Variants in ELMO1 observed in about 807,000 individuals in gnomAD.
The protein encoded by ELMO1 is engulfment and cell motility 1.
ELMO1 carries 26 observed loss-of-function variants against 98.9 expected under a neutral mutation model. The ratio of observed to expected loss-of-function variants is 0.26; its 90% CI spans 0.19 to 0.36. ELMO1 has a LOEUF of 0.36. Ranked by LOEUF, ELMO1 falls within the 10% of genes least tolerant of loss-of-function variation. The pLI, the probability that ELMO1 is intolerant of heterozygous loss-of-function variation, is 1.00. For missense variants in ELMO1, 627 were observed against 935.2 expected, an observed-to-expected ratio of 0.67 and a Z score of 4.30; for synonymous variants, 346 against 346.0, an observed-to-expected ratio of 1.00 and a Z score of 0.00.
At chr7:37,242,881 G>C (rs1385964212) in intron 7 of ELMO1, among the ~76,000 whole-genome samples, 1 of 152,174 alleles carries the variant, frequency 6.6e-6, no homozygotes, top group Non-Finnish European at 1.5e-5. Flanking sequence ...GCCTGGATGA[G>C]TAGGTGTTCT....
intron 15 of ELMO1, among the ~76,000 whole-genome samples, chr7:37,042,283 T>C (rs749604186): frequency 2.6e-5 from 4 of 151,938 alleles, no homozygotes; most frequent in African/African-American, 4.8e-5. Context: ...TTGAGTTTCA[T>C]AATTTTACAT....
At chr7:37,359,386 A>C (rs941195970) in intron 1 of ELMO1, among the ~76,000 whole-genome samples, 1 of 152,214 alleles carries the variant, frequency 6.6e-6, no homozygotes, top group Non-Finnish European at 1.5e-5. Context: ...TCTGTGCCTC[A>C]GTTTACTCAT....
intron 2 of ELMO1, among the ~76,000 whole-genome samples, chr7:37,318,895 C>G (rs565924322): frequency 5.3e-4 from 81 of 152,190 alleles, no homozygotes; most frequent in African/African-American, 1.9e-3. Context: ...TTTGAAACCC[C>G]CTTTCCAGAG....
intron 16 of ELMO1, among the ~76,000 whole-genome samples, chr7:36,999,156 G>A (rs1020627665): frequency 6.6e-6 from 1 of 152,034 alleles, no homozygotes; most frequent in Non-Finnish European, 1.5e-5. Context: ...GAAAAGCCCC[G>A]GGTCACGCAG....
intron 13 of ELMO1, among the ~76,000 whole-genome samples, chr7:37,156,626 A>C (rs1208461005): frequency 1.3e-5 from 2 of 152,264 alleles, no homozygotes; most frequent in Non-Finnish European, 2.9e-5. Flanking sequence ...ACCAGGAAGT[A>C]GTTGAATCTC....
At chr7:37,320,339 G>GGT (rs1409239124) in intron 2 of ELMO1, among the ~76,000 whole-genome samples, 2 of 151,290 alleles carry the variant, frequency 1.3e-5, no homozygotes, top group African/African-American at 4.9e-5. Context: ...TCCACAATCT[G>GGT]GTCTCTGTAA....
At chr7:37,245,314 G>A (rs1301269740) in intron 6 of ELMO1, among the ~76,000 whole-genome samples, 1 of 152,134 alleles carries the variant, frequency 6.6e-6, no homozygotes, top group African/African-American at 2.4e-5. Context: ...TTGAGGGCTA[G>A]GACTCTGCAC....
chr7:36,908,692 C>A (rs1312476143), intron 16 of ELMO1, among the ~76,000 whole-genome samples: 1 of 152,056 alleles, frequency 6.6e-6, no homozygotes, highest in Non-Finnish European at 1.5e-5. Flanking sequence ...TTAAGAAGAG[C>A]GTACATCTTA....
At chr7:37,275,855 G>C (rs1233544819) in intron 4 of ELMO1, among the ~76,000 whole-genome samples, 4 of 152,220 alleles carry the variant, frequency 2.6e-5, no homozygotes, top group African/African-American at 7.2e-5. Flanking sequence ...GTAGACCACT[G>C]TTTCTGAGAC....
At chr7:37,192,956 T>TCA (rs1178211612) in intron 13 of ELMO1, among the ~76,000 whole-genome samples, 18 of 133,636 alleles carry the variant, frequency 1.3e-4, no homozygotes, top group African/African-American at 4.6e-4. Flanking sequence ...TATATATTTT[T>TCA]TATATATATA....
intron 16 of ELMO1, among the ~76,000 whole-genome samples, chr7:36,925,617 C>T (rs1185725089): frequency 6.6e-6 from 1 of 152,228 alleles, no homozygotes; most frequent in Non-Finnish European, 1.5e-5. Context: ...AGCCCAGCAA[C>T]TGTTTGGTCC....
intron 20 of ELMO1, among the ~76,000 whole-genome samples, chr7:36,864,129 G>A (rs144726077): frequency 2.1e-3 from 317 of 152,266 alleles, no homozygotes; most frequent in African/African-American, 7.4e-3. Flanking sequence ...GGGAAATCAC[G>A]TGGCTGATCA....
chr7:37,270,519 T>G (rs559418313), intron 5 of ELMO1: 1 of 152,336 alleles, frequency 6.6e-6, no homozygotes, highest in African/African-American at 2.4e-5. Context: ...AAAATGATAG[T>G]TAGACACAGT....
chr7:36,936,837 G>C (rs1786575033), intron 16 of ELMO1, among the ~76,000 whole-genome samples: 1 of 152,100 alleles, frequency 6.6e-6, no homozygotes, highest in Admixed American at 6.5e-5. Flanking sequence ...TATCTGTTAG[G>C]ATTTTGGGGA....
At chr7:37,226,316 A>C (rs2130570899) in intron 8 of ELMO1, among the ~76,000 whole-genome samples, 1 of 152,316 alleles carries the variant, frequency 6.6e-6, no homozygotes, top group South Asian at 2.1e-4. Flanking sequence ...CTCATGGCTA[A>C]TAACCTTCTC....
intron 16 of ELMO1, among the ~76,000 whole-genome samples, chr7:36,955,995 C>T (rs766156620): frequency 6.6e-6 from 1 of 152,208 alleles, no homozygotes; most frequent in Non-Finnish European, 1.5e-5. Flanking sequence ...CTAGACCACT[C>T]GATGCTTTAG....
At chr7:36,984,832 A>G (rs1791377572) in intron 16 of ELMO1, 1 of 883,716 alleles carries the variant, frequency 1.1e-6, no homozygotes, top group Non-Finnish European at 1.4e-6. Context: ...AAATCAGGAG[A>G]CAATCAGGGG....
intron 13 of ELMO1, among the ~76,000 whole-genome samples, chr7:37,181,843 T>C (rs1166743544): frequency 1.3e-5 from 2 of 152,294 alleles, no homozygotes; most frequent in East Asian, 3.9e-4. Context: ...GTGTAACTTA[T>C]GGTTGCAACA....
chr7:37,226,455 T>C (rs1451224338), intron 8 of ELMO1, among the ~76,000 whole-genome samples: 2 of 152,248 alleles, frequency 1.3e-5, no homozygotes, highest in Middle Eastern at 3.4e-3. Context: ...AATCCAATTA[T>C]TGTCACACTG....
Sources: gnomAD v4.1 joint callset for allele counts (sites outside exome capture counted in the v4.1 genomes callset) on GRCh38, gnomAD v4.1.1 for gene constraint, MANE v1.5 for transcripts, NCBI Gene and HGNC (gene_info 2026-07-23, HGNC 2026-07-21) for gene names.